AGBL4: variants seen among roughly 807,000 people sequenced by gnomAD.
AGBL4 encodes the protein AGBL carboxypeptidase 4.
A neutral mutation model predicts 66.4 loss-of-function variants in AGBL4; 58 were observed. The observed-to-expected ratio is 0.87, with a 90% CI of 0.71 to 1.09. The LOEUF (loss-of-function observed/expected upper bound fraction) is 1.09, where lower values mean the gene tolerates loss of function less well. Ranked by LOEUF, AGBL4 falls within the 50% of genes least tolerant of loss-of-function variation. The pLI, the probability that AGBL4 is intolerant of heterozygous loss-of-function variation, is 0.00. For synonymous variants in AGBL4, 234 were observed against 222.9 expected (o/e 1.05, Z -0.44); for missense variants, 579 against 631.0 (o/e 0.92, Z 0.88).
At chr1:49,159,592 A>G (rs1646501905) in intron 4 of AGBL4, among the ~76,000 whole-genome samples, 1 of 152,036 alleles carries the variant, frequency 6.6e-6, no homozygotes, top group Non-Finnish European at 1.5e-5. Flanking sequence ...TATTTCCTGA[A>G]TTTGAATGTT....
At chr1:49,094,632 A>G (rs1286257662) in intron 4 of AGBL4, among the ~76,000 whole-genome samples, 5 of 152,214 alleles carry the variant, frequency 3.3e-5, no homozygotes, top group African/African-American at 9.6e-5. Flanking sequence ...CATCAGGGAT[A>G]TTGGTCTAAA....
chr1:49,994,991 T>C (rs1205040845), intron 1 of AGBL4: 6 of 385,688 alleles, frequency 1.6e-5, no homozygotes, highest in Non-Finnish European at 2.6e-5. Context: ...GTGGGCACTC[T>C]TGGTCCCCAG....
At chr1:49,681,226 T>G (rs577796823) in intron 3 of AGBL4, among the ~76,000 whole-genome samples, 11 of 152,346 alleles carry the variant, frequency 7.2e-5, no homozygotes, top group African/African-American at 2.6e-4. Flanking sequence ...TTATCTTTTG[T>G]GTTTCAAGTT....
intron 3 of AGBL4, among the ~76,000 whole-genome samples, chr1:49,264,369 T>C (rs867246226): frequency 1.3e-5 from 2 of 152,214 alleles, no homozygotes; most frequent in African/African-American, 4.8e-5. Context: ...AGTAGAATAA[T>C]GTAGTTTTTT....
intron 6 of AGBL4, among the ~76,000 whole-genome samples, chr1:48,798,665 G>A (rs571671556): frequency 2.0e-5 from 3 of 152,070 alleles, no homozygotes; most frequent in African/African-American, 4.8e-5. Flanking sequence ...TTAAATCTTT[G>A]ATCTATTTTG....
chr1:49,047,476 A>C (rs1644108069), intron 4 of AGBL4, among the ~76,000 whole-genome samples: 2 of 152,186 alleles, frequency 1.3e-5, no homozygotes, highest in African/African-American at 4.8e-5. Context: ...CAGTCTTCTT[A>C]TAATGGAAAT....
intron 3 of AGBL4, among the ~76,000 whole-genome samples, chr1:49,273,732 A>G (rs1323099509): frequency 2.0e-5 from 3 of 151,986 alleles, no homozygotes; most frequent in Non-Finnish European, 4.4e-5. Context: ...GCTGGAGTGC[A>G]GTGGTACAAT....
intron 3 of AGBL4, among the ~76,000 whole-genome samples, chr1:49,408,173 A>G (rs1645243653): frequency 6.6e-6 from 1 of 152,146 alleles, no homozygotes; most frequent in East Asian, 1.9e-4. Flanking sequence ...CCTGTCCTAG[A>G]CCCCAGAGAC....
At chr1:48,543,538 A>C (rs570025281) in intron 11 of AGBL4, among the ~76,000 whole-genome samples, 3 of 152,256 alleles carry the variant, frequency 2.0e-5, no homozygotes, top group South Asian at 4.1e-4. Flanking sequence ...AGTGGAAAGG[A>C]CAAAGTGGAG....
intron 11 of AGBL4, chr1:48,585,517 A>T (rs1644804703): frequency 6.6e-6 from 1 of 152,352 alleles, no homozygotes; most frequent in African/African-American, 2.4e-5. Context: ...GCAATGTGGC[A>T]CATAACAGGT....
At chr1:48,937,305 T>C (rs1488319896) in intron 5 of AGBL4, among the ~76,000 whole-genome samples, 1 of 152,250 alleles carries the variant, frequency 6.6e-6, no homozygotes, top group Non-Finnish European at 1.5e-5. Flanking sequence ...GACACTTGGC[T>C]GAATTGGTGG....
chr1:49,070,890 G>T (rs541442915), intron 4 of AGBL4, among the ~76,000 whole-genome samples: 1 of 151,960 alleles, frequency 6.6e-6, no homozygotes, highest in African/African-American at 2.4e-5. Context: ...TTTTTGGTTG[G>T]TAGGCTATTA....
chr1:49,579,161 A>T (rs1644494482), intron 3 of AGBL4, among the ~76,000 whole-genome samples: 1 of 152,232 alleles, frequency 6.6e-6, no homozygotes, highest in South Asian at 2.1e-4. Context: ...GCGTGCAGAC[A>T]GCCAATTACG....
intron 4 of AGBL4, among the ~76,000 whole-genome samples, chr1:49,171,930 A>T (rs568989859): frequency 6.6e-6 from 1 of 152,314 alleles, no homozygotes; most frequent in African/African-American, 2.4e-5. Flanking sequence ...CCCTATTATC[A>T]CTATCTTAGA....
In AGBL4 at chr1:48,622,065, A is replaced by G. The variant is rs369690513; in HGVS notation, c.951+12428T>C. ...CCTGGGGTAGCCCACAGGGCTCTCT[A>G]TGAATCATCTCTGCCTGCCACCCAG... is the stretch of plus-strand genomic sequence containing the variant. On this transcript the variant is annotated intron_variant, in intron 9 of 13. Transcript: ENST00000371839. Among the ~76,000 whole-genome samples the G allele has an allele frequency of 1.4e-3, 213 of 150,328 alleles. 2 individuals are homozygous for G. The South Asian group carries it at 0.04, about 28-fold the overall frequency.
chr1:49,774,487 G>A (rs141631164), intron 2 of AGBL4, among the ~76,000 whole-genome samples: 1 of 152,304 alleles, frequency 6.6e-6, no homozygotes, highest in Non-Finnish European at 1.5e-5. Flanking sequence ...TTTATATGGG[G>A]CAGGTGGAGG....
intron 6 of AGBL4, among the ~76,000 whole-genome samples, chr1:48,840,773 A>C (rs1265697111): frequency 2.0e-5 from 3 of 152,236 alleles, no homozygotes; most frequent in Admixed American, 6.5e-5. Flanking sequence ...AGAGAAATGA[A>C]AAAACTTATG....
At chr1:49,564,443 T>C (rs1463774658) in intron 3 of AGBL4, among the ~76,000 whole-genome samples, 1 of 152,220 alleles carries the variant, frequency 6.6e-6, no homozygotes, top group Non-Finnish European at 1.5e-5. Flanking sequence ...TGTAGGCATT[T>C]AGTGCTATAA....
At chr1:49,335,762 A>G (rs929754579) in intron 3 of AGBL4, among the ~76,000 whole-genome samples, 5 of 152,052 alleles carry the variant, frequency 3.3e-5, no homozygotes, top group Non-Finnish European at 7.4e-5. Context: ...TGATCCGCCC[A>G]CCTTGGCCCC....
Sources: allele counts gnomAD v4.1 joint callset (sites outside exome capture counted in the v4.1 genomes callset), GRCh38; gene constraint gnomAD v4.1.1; transcripts MANE v1.5; gene names NCBI Gene and HGNC (gene_info 2026-07-23, HGNC 2026-07-21).